The following MALRD1 variants were observed in gnomAD, a reference collection of about 807,000 sequenced individuals.
MALRD1 encodes MAM and LDL-receptor class A domain-containing protein 1.
MALRD1 carries 247 observed loss-of-function variants against 242.1 expected under a neutral mutation model. The ratio of observed to expected loss-of-function variants is 1.02; its 90% CI spans 0.92 to 1.13. The LOEUF (loss-of-function observed/expected upper bound fraction) is 1.13. MALRD1 is among the 50% of genes most tolerant of loss of function. MALRD1 has a pLI of 0.00. For synonymous variants in MALRD1, 995 were observed against 866.6 expected (o/e 1.15, Z -2.60); for missense variants, 2,989 against 2,533.1 (o/e 1.18, Z -3.86).
intron 38 of MALRD1, among the ~76,000 whole-genome samples, chr10:19,724,187 C>T (rs536391042): frequency 1.1e-4 from 16 of 152,080 alleles, no homozygotes; most frequent in African/African-American, 3.4e-4. Context: ...ACTAGGTGTC[C>T]GGTGAGTTTC....
At position 19,352,042 on chromosome 10, in the gene MALRD1, G is replaced by A. The variant is rs1362179820; in HGVS notation, c.4186G>A (p.Gly1396Arg). The change falls in exon 26 of 40, where the codon GGG becomes AGG. Residue 1396 changes from glycine (G) to arginine (R), a missense_variant. By Grantham distance (125) the Gly-to-Arg change is moderately radical. Coordinates refer to ENST00000454679, the MANE Select transcript of MALRD1 (RefSeq NM_001142308.3). ...FHYHMYGNGI[G>R]ALTLMQVSVT... ...TTATCACATGTATGGAAATGGCATT[G>A]GGGCACTCACCTTAATGCAGGTGTC... is the stretch of plus-strand genomic sequence containing the variant. 1.3e-6 allele frequency: 2 copies of A among 1,549,970 alleles called. No homozygotes were observed. The highest frequency in any genetic ancestry group is 1.7e-6 in the Non-Finnish European group (2 of 1,146,642).
At chr10:19,240,604 C>T (rs1273104786) in intron 18 of MALRD1, among the ~76,000 whole-genome samples, 5 of 151,950 alleles carry the variant, frequency 3.3e-5, no homozygotes, top group Non-Finnish European at 7.4e-5. Flanking sequence ...CAGTACTATG[C>T]TAAATAGAAG....
intron 12 of MALRD1, among the ~76,000 whole-genome samples, chr10:19,156,790 G>C (rs1834163853): frequency 6.6e-6 from 1 of 152,054 alleles, no homozygotes; most frequent in Non-Finnish European, 1.5e-5. Flanking sequence ...CTGGGATTGA[G>C]TTTCAGTTTA....
chr10:19,080,904 A>G (rs1024182964), intron 2 of MALRD1, among the ~76,000 whole-genome samples: 4 of 152,068 alleles, frequency 2.6e-5, no homozygotes, highest in African/African-American at 9.7e-5. Flanking sequence ...TCTGCCAGAA[A>G]CTTAAATTTT....
chr10:19,726,397 A>G (rs953206009), intron 38 of MALRD1, among the ~76,000 whole-genome samples: 1 of 152,134 alleles, frequency 6.6e-6, no homozygotes, highest in Admixed American at 6.5e-5. Flanking sequence ...TTACATACCA[A>G]TTCACATCCA....
chr10:19,305,893 T>G (rs936246525), intron 21 of MALRD1, among the ~76,000 whole-genome samples: 3 of 130,744 alleles, frequency 2.3e-5, no homozygotes, highest in East Asian at 4.2e-4. Context: ...ATAATATATA[T>G]TATATATACT....
chr10:19,499,780 G>C (rs112097840), intron 31 of MALRD1, among the ~76,000 whole-genome samples: 230 of 152,318 alleles, frequency 1.5e-3, no homozygotes, highest in Admixed American at 5.2e-3. Context: ...TATGACTAGT[G>C]AAAAGAGCAC....
At chr10:19,131,751 T>C (rs779233264) in intron 8 of MALRD1, among the ~76,000 whole-genome samples, 4 of 152,194 alleles carry the variant, frequency 2.6e-5, no homozygotes, top group Non-Finnish European at 4.4e-5. Context: ...TAAATATTTT[T>C]CTTGAAAGGT....
chr10:19,295,030 A>G (rs1020107626), intron 21 of MALRD1, among the ~76,000 whole-genome samples: 2 of 152,168 alleles, frequency 1.3e-5, no homozygotes, highest in East Asian at 3.9e-4. Context: ...AGAGTATTCC[A>G]TTAAGTGAAT....
At chr10:19,088,431 T>C (rs952055635) in intron 4 of MALRD1, among the ~76,000 whole-genome samples, 2 of 151,938 alleles carry the variant, frequency 1.3e-5, no homozygotes, top group African/African-American at 4.8e-5. Flanking sequence ...TTTTAAGGCA[T>C]ACTAATATAT....
chr10:19,275,675 T>A (rs1025149657), intron 19 of MALRD1, among the ~76,000 whole-genome samples: 2 of 151,508 alleles, frequency 1.3e-5, no homozygotes, highest in African/African-American at 4.9e-5. Flanking sequence ...TCTCAAAAAA[T>A]AAAAATAAAA....
chr10:19,382,475 A>G (rs974233260), intron 26 of MALRD1, among the ~76,000 whole-genome samples: 1 of 152,190 alleles, frequency 6.6e-6, no homozygotes, highest in African/African-American at 2.4e-5. Flanking sequence ...CTTATCTGCT[A>G]TTATGTAATC....
intron 31 of MALRD1, among the ~76,000 whole-genome samples, chr10:19,500,810 T>C (rs1837933738): frequency 6.6e-6 from 1 of 152,234 alleles, no homozygotes; most frequent in Non-Finnish European, 1.5e-5. Context: ...ATCATTTATA[T>C]GTTCCTTCCT....
intron 21 of MALRD1, among the ~76,000 whole-genome samples, chr10:19,306,884 G>A (rs557707633): frequency 6.6e-6 from 1 of 151,466 alleles, no homozygotes; most frequent in African/African-American, 2.4e-5. Context: ...GAGAACAGTA[G>A]CATGGGAGTA....
chr10:19,305,089 T>A (rs1842107133), intron 21 of MALRD1, among the ~76,000 whole-genome samples: 1 of 151,702 alleles, frequency 6.6e-6, no homozygotes, highest in Non-Finnish European at 1.5e-5. Flanking sequence ...CTTTATCAAC[T>A]GAATCCATGA....
intron 35 of MALRD1, among the ~76,000 whole-genome samples, chr10:19,615,516 C>CAA (rs530920512): frequency 0.088 from 3,265 of 37,144 alleles, 237 homozygotes; most frequent in Middle Eastern, 0.17. Context: ...GACCCTGCCT[C>CAA]AAAAAAAAAA....
intron 19 of MALRD1, among the ~76,000 whole-genome samples, chr10:19,275,616 T>C (rs12243352): frequency 0.12 from 18,807 of 151,824 alleles, 1,599 homozygotes; most frequent in East Asian, 0.31. Context: ...TTGCAGTGAG[T>C]GGAGATCGCG....
chr10:19,726,593 T>C (rs914488435), intron 38 of MALRD1, among the ~76,000 whole-genome samples: 4 of 152,210 alleles, frequency 2.6e-5, no homozygotes, highest in African/African-American at 9.7e-5. Flanking sequence ...ATTCAACTCC[T>C]AGTTATATAC....
intron 38 of MALRD1, chr10:19,710,640 A>T (rs1220594969): frequency 6.6e-6 from 1 of 152,270 alleles, no homozygotes; most frequent in Non-Finnish European, 1.5e-5. Flanking sequence ...TACAAACTGT[A>T]TAAAATATAT....
Sources: gnomAD v4.1 joint callset for allele counts (sites outside exome capture counted in the v4.1 genomes callset) on GRCh38, gnomAD v4.1.1 for gene constraint, MANE v1.5 for transcripts, NCBI Gene and HGNC (gene_info 2026-07-23, HGNC 2026-07-21) for gene names.